BACE2: variants seen among roughly 807,000 people sequenced by gnomAD.
BACE2 encodes beta-secretase 2, also known as 56 kDa aspartic-like protease.
BACE2 carries 17 observed loss-of-function variants against 46.2 expected under a neutral mutation model. The ratio of observed to expected loss-of-function variants is 0.37; its 90% CI spans 0.25 to 0.55. The LOEUF (loss-of-function observed/expected upper bound fraction) is 0.55. BACE2 is among the 20% of genes least tolerant of loss of function. BACE2 has a pLI of 0.82. For missense variants in BACE2, 595 were observed against 698.1 expected (o/e 0.85, Z 1.66); for synonymous variants, 277 against 295.9 (o/e 0.94, Z 0.66).
chr21:41,225,436 G>A (rs558025153), intron 1 of BACE2: 1 of 152,316 alleles, frequency 6.6e-6, no homozygotes, highest in South Asian at 2.1e-4. Context: ...GCATCGTGAA[G>A]AGAAACAAAG....
chr21:41,260,237 C>T (rs1428667421), intron 8 of BACE2, among the ~76,000 whole-genome samples: 2 of 152,178 alleles, frequency 1.3e-5, no homozygotes, highest in Non-Finnish European at 2.9e-5. Flanking sequence ...CTTCACCTCC[C>T]AGGCTCAAGC....
At chr21:41,184,211 A>G (rs1293180126) in intron 1 of BACE2, 2 of 167,070 alleles carry the variant, frequency 1.2e-5, no homozygotes, top group African/African-American at 4.8e-5. Context: ...GGCCTGCATT[A>G]GTATATTTCC....
chr21:41,168,377 C>G lies in BACE2; in HGVS notation c.114C>G (p.Ala38=). The change falls in exon 1 of 9, where the codon GCC becomes GCG. Residue 38 remains alanine (A), a synonymous_variant. Transcript: ENST00000330333. ...CGCTGCCCCTCCGGGTGGCCGCGGC[C>G]ACGAACCGCGTAGTTGCGCCCACCC... The part of the protein sequence containing the change: ...PFTLPLRVAA[A]TNRVVAPTPG... 7.1e-7 allele frequency: 1 copy of G among 1,408,820 alleles called. No individual in the cohort carries two copies. Among genetic ancestry groups the G allele is most frequent in the Non-Finnish European group, 9.3e-7 (1 of 1,078,178 alleles). 87.3% of individuals were successfully genotyped at this position (1,408,820 alleles called of 1,614,324 possible).
intron 8 of BACE2, among the ~76,000 whole-genome samples, chr21:41,270,658 G>A (rs1450831577): frequency 6.6e-6 from 1 of 152,204 alleles, no homozygotes; most frequent in Non-Finnish European, 1.5e-5. Flanking sequence ...TATAACCTCA[G>A]TGTGGGCAGG....
In BACE2 at chr21:41,276,948, G is replaced by A. The variant is rs573624760; in HGVS notation, c.*1324G>A. 12 of 152,268 alleles carry A rather than the reference G, an allele frequency of 7.9e-5. No homozygotes were observed. Among genetic ancestry groups the A allele is most frequent in the East Asian group, 1.9e-4 (1 of 5,176 alleles). 9.4% of individuals were successfully genotyped at this position (152,268 alleles called of 1,614,324 possible). A position where few individuals can be genotyped will look rare whatever the true frequency, so the allele number is the denominator to read the frequency against. ...CAGTCCCTACTTTCTGTCACTTATC[G>A]AGGCCTTTGCCAAAGAAAAGTGGAA... On this transcript the variant is annotated 3_prime_UTR_variant, in exon 9 of 9. Coordinates refer to ENST00000330333, the MANE Select transcript of BACE2 (RefSeq NM_012105.5).
rs1441568656 is a variant in BACE2 at position 41,264,325 on chromosome 21, G to A, written c.1303+6999G>A. Among the ~76,000 whole-genome samples, 3 of 151,840 alleles carry A rather than the reference G, an allele frequency of 2.0e-5. No homozygotes were observed. In the East Asian group the frequency reaches 5.8e-4, roughly 29 times the overall value. On this transcript the variant is annotated intron_variant, in intron 8 of 8. Coordinates refer to ENST00000330333, the MANE Select transcript of BACE2 (RefSeq NM_012105.5). ...TAGCCGGGCACAGTGGCTCATACCT[G>A]TAATCCCAGAACTTTAGGAGGCCAA...
At chr21:41,250,542 T>C (rs1310839770) in intron 6 of BACE2, among the ~76,000 whole-genome samples, 1 of 152,178 alleles carries the variant, frequency 6.6e-6, no homozygotes, top group Non-Finnish European at 1.5e-5. Flanking sequence ...CTAGTACTAG[T>C]AGGTACTTCA....
chr21:41,180,870 C>A (rs1461625502), intron 1 of BACE2: 1 of 167,096 alleles, frequency 6.0e-6, no homozygotes, highest in Non-Finnish European at 1.5e-5. Context: ...TAATCCAATG[C>A]TAGTCTGTTA....
intron 6 of BACE2, among the ~76,000 whole-genome samples, chr21:41,246,845 T>C (rs779676831): frequency 2.6e-5 from 4 of 152,226 alleles, no homozygotes; most frequent in Non-Finnish European, 4.4e-5. Flanking sequence ...TTTTGTGCCC[T>C]CTGAGAGCCT....
chr21:41,188,978 C>T (rs1345334104), intron 1 of BACE2, among the ~76,000 whole-genome samples: 3 of 152,230 alleles, frequency 2.0e-5, no homozygotes, highest in Non-Finnish European at 4.4e-5. Context: ...TGGAGGCCAG[C>T]AGTCTCGCTC....
rs2088554098 is a variant in BACE2, at chr21:41,282,054, T to C, written c.*6430T>C. 2.0e-5 allele frequency: 3 copies of C among 152,246 alleles called. No individual in the cohort carries two copies. The South Asian group carries it at 6.2e-4, about 31-fold the overall frequency. The allele number at this position is 152,246 out of a possible 1,614,324, so 9.4% of individuals were successfully genotyped here. On this transcript the variant is annotated 3_prime_UTR_variant, in exon 9 of 9. Coordinates refer to ENST00000330333, the MANE Select transcript of BACE2 (RefSeq NM_012105.5). ...CAGTCATTGAAAGCGACCACTCATTTTTTTCTTAAAGTTGATGCCTTTTCT... is the reference window on the plus strand; with the variant it reads ...CAGTCATTGAAAGCGACCACTCATTCTTTTCTTAAAGTTGATGCCTTTTCT...
chr21:41,203,286 C>T (rs1404590029), intron 1 of BACE2, among the ~76,000 whole-genome samples: 1 of 151,820 alleles, frequency 6.6e-6, no homozygotes. Flanking sequence ...CCAGGGAAGG[C>T]ATCTTCAATG....
intron 1 of BACE2, among the ~76,000 whole-genome samples, chr21:41,195,798 A>G (rs1239431275): frequency 6.6e-6 from 1 of 152,200 alleles, no homozygotes; most frequent in African/African-American, 2.4e-5. Flanking sequence ...TATGACCACA[A>G]AGCTTTTCGA....
chr21:41,184,657 G>A (rs1428556520), intron 1 of BACE2: 1 of 166,514 alleles, frequency 6.0e-6, no homozygotes, highest in Non-Finnish European at 1.5e-5. Flanking sequence ...TTGGATAAGG[G>A]GGAAAGGTGC....
rs932229194 is a variant in BACE2, at chr21:41,281,332, C to T, written c.*5708C>T. The T allele has an allele frequency of 1.3e-5, 2 of 152,186 alleles. No individual in the cohort carries two copies. The highest frequency in any genetic ancestry group is 2.9e-5 in the Non-Finnish European group (2 of 68,028). 9.4% of individuals were successfully genotyped at this position (152,186 alleles called of 1,614,324 possible). A position where few individuals can be genotyped will look rare whatever the true frequency, so the allele number is the denominator to read the frequency against. On this transcript the variant is annotated 3_prime_UTR_variant, in exon 9 of 9. Coordinates refer to ENST00000330333, the MANE Select transcript of BACE2 (RefSeq NM_012105.5). ...GTAAGTTGGGCACAGCTGTCACTTT[C>T]GTGGTATCAATAAAAGGCTAGAAAC...
In BACE2 at chr21:41,214,027, G is replaced by A. The variant is rs116527176; in HGVS notation, c.313-12239G>A. Among the ~76,000 whole-genome samples the A allele has an allele frequency of 3.7e-3, 565 of 152,282 alleles. 2 individuals carry two copies. Among genetic ancestry groups the A allele is most frequent in the African/African-American group, 0.012 (513 of 41,554 alleles). On this transcript the variant is annotated intron_variant, in intron 1 of 8. Coordinates refer to ENST00000330333, the MANE Select transcript of BACE2 (RefSeq NM_012105.5). ...GCTGGCTAAAATTGCACGTGGAACC[G>A]GCGCTAGTGTTTATTTGCTCACTCA...
At chr21:41,213,243 A>G (rs1986353003) in intron 1 of BACE2, among the ~76,000 whole-genome samples, 1 of 152,186 alleles carries the variant, frequency 6.6e-6, no homozygotes, top group African/African-American at 2.4e-5. Flanking sequence ...AATAAAAGAC[A>G]CGAGACAACC....
chr21:41,226,422 A>C, intron 2 of BACE2, 68 bp downstream of exon 2: 1 of 1,396,474 alleles, frequency 7.2e-7, no homozygotes, highest in Non-Finnish European at 1.0e-6. Context: ...TTCAAAATGC[A>C]CCAGAGCATG....
intron 8 of BACE2, among the ~76,000 whole-genome samples, chr21:41,258,188 G>C (rs1987840474): frequency 6.6e-6 from 1 of 152,212 alleles, no homozygotes; most frequent in African/African-American, 2.4e-5. Context: ...GAGCAGAATG[G>C]AATTCCAAAG....
Sources: allele counts gnomAD v4.1 joint callset (sites outside exome capture counted in the v4.1 genomes callset), GRCh38; gene constraint gnomAD v4.1.1; transcripts MANE v1.5; gene names NCBI Gene and HGNC (gene_info 2026-07-23, HGNC 2026-07-21).